The following ASXL2 variants were observed in gnomAD, a reference collection of about 807,000 sequenced individuals.
The protein encoded by ASXL2 is putative Polycomb group protein ASXL2.
ASXL2 carries 23 observed loss-of-function variants against 122.0 expected under a neutral mutation model. The ratio of observed to expected loss-of-function variants is 0.19; its 90% CI spans 0.14 to 0.27. The LOEUF is 0.27. ASXL2 is among the 10% of genes least tolerant of loss of function. The pLI, the probability that ASXL2 is intolerant of heterozygous loss-of-function variation, is 1.00. For missense variants in ASXL2, 1,518 were observed against 1,713.8 expected (o/e 0.89, Z 2.02); for synonymous variants, 650 against 637.0 (o/e 1.02, Z -0.31).
At chr2:25,773,464 G>GA (rs1559507072) in intron 5 of ASXL2, among the ~76,000 whole-genome samples, 1 of 151,926 alleles carries the variant, frequency 6.6e-6, no homozygotes, top group Non-Finnish European at 1.5e-5. Flanking sequence ...AGGAGATTGA[G>GA]ACCATCCTGG....
rs138807921 is a variant in ASXL2 at position 25,840,957 on chromosome 2, G to A, written c.140+4524C>T. On this transcript the variant is annotated intron_variant, in intron 2 of 12. Transcript: ENST00000435504. ...GTAAGTAGTCACACACCTTTAAGAAGCATAGTACGTGTTTCATTCTGTAAT... is the reference window on the plus strand; with the variant it reads ...GTAAGTAGTCACACACCTTTAAGAAACATAGTACGTGTTTCATTCTGTAAT... Among the ~76,000 whole-genome samples, 63 of 152,292 alleles carry A rather than the reference G, an allele frequency of 4.1e-4. 1 individual carries two copies. Among genetic ancestry groups the A allele is most frequent in the African/African-American group, 1.5e-3 (61 of 41,578 alleles).
chr2:25,747,414 C>CT (rs764305743), intron 12 of ASXL2, among the ~76,000 whole-genome samples: 53 of 152,080 alleles, frequency 3.5e-4, no homozygotes, highest in Middle Eastern at 6.8e-3. Context: ...TAAACTTTGT[C>CT]TAAGAAAGCA....
intron 12 of ASXL2, among the ~76,000 whole-genome samples, chr2:25,746,614 T>C (rs991611127): frequency 6.6e-6 from 1 of 152,088 alleles, no homozygotes; most frequent in Non-Finnish European, 1.5e-5. Context: ...AGAGTAACTC[T>C]ATACCTAACA....
intron 5 of ASXL2, among the ~76,000 whole-genome samples, chr2:25,790,327 T>TG (rs374567068): frequency 0.15 from 1,676 of 10,926 alleles, 36 homozygotes; most frequent in Non-Finnish European, 0.18. Flanking sequence ...GGGGTGGGGG[T>TG]GGGGGGGGTG....
intron 5 of ASXL2, among the ~76,000 whole-genome samples, chr2:25,783,110 C>T (rs1285465940): frequency 6.6e-6 from 1 of 151,954 alleles, no homozygotes; most frequent in African/African-American, 2.4e-5. Context: ...GCCTGGGGGA[C>T]AGAATGAGAC....
At chr2:25,809,961 C>A in intron 3 of ASXL2, 1 of 526,096 alleles carries the variant, frequency 1.9e-6, no homozygotes, top group Admixed American at 1.9e-5. Context: ...TCTGGTCCAG[C>A]ATCCTTTGTA....
chr2:25,863,902 A>C (rs1440074783), intron 1 of ASXL2, among the ~76,000 whole-genome samples: 1 of 151,448 alleles, frequency 6.6e-6, no homozygotes, highest in Non-Finnish European at 1.5e-5. Context: ...GCTACTCGGA[A>C]GGCTGAGGCA....
chr2:25,843,793 A>G (rs2089615722), intron 2 of ASXL2, among the ~76,000 whole-genome samples: 1 of 145,918 alleles, frequency 6.9e-6, no homozygotes, highest in Admixed American at 6.9e-5. Context: ...AGGCTGGGCA[A>G]CATAATGAGA....
chr2:25,835,259 C>G (rs1429222319), intron 3 of ASXL2, among the ~76,000 whole-genome samples: 1 of 152,112 alleles, frequency 6.6e-6, no homozygotes, highest in African/African-American at 2.4e-5. Flanking sequence ...ACTTGGCATC[C>G]CAACGCTTTT....
In ASXL2 at chr2:25,759,557, G is replaced by A. The variant is rs2149146494; in HGVS notation, c.864C>T (p.Asn288=). ...CAGGAAGGACTGAAAATGTGTGCTT[G>A]TTGATCAGTGCTCGCAGATTTGTAT... The part of the protein sequence containing the change: ...LVNTNLRALI[N]KHTFSVLPGD... Residue 288 remains asparagine (N), a synonymous_variant, in exon 9 of 13, where the codon AAC becomes AAT. Transcript: ENST00000435504. 6.2e-7 allele frequency: 1 copy of A among 1,613,998 alleles called. No individual in the cohort carries two copies. The highest frequency in any genetic ancestry group is 8.5e-7 in the Non-Finnish European group (1 of 1,179,894).
At chr2:25,758,242 GTTTT>G (rs1038974135) in intron 9 of ASXL2, among the ~76,000 whole-genome samples, 1 of 152,110 alleles carries the variant, frequency 6.6e-6, no homozygotes, top group African/African-American at 2.4e-5. Context: ...GAAAGATTTA[GTTTT>G]ATTTCAGTAA....
intron 12 of ASXL2, among the ~76,000 whole-genome samples, chr2:25,745,049 T>C (rs1313895469): frequency 2.0e-5 from 3 of 151,888 alleles, no homozygotes; most frequent in African/African-American, 4.8e-5. Flanking sequence ...GTGTGATCTA[T>C]AGGAGCCCCC....
At chr2:25,855,640 T>C (rs997842596) in intron 1 of ASXL2, among the ~76,000 whole-genome samples, 30 of 152,076 alleles carry the variant, frequency 2.0e-4, no homozygotes, top group African/African-American at 7.2e-4. Context: ...CACTCCAGGC[T>C]GGGCGACAGA....
At chr2:25,857,726 C>T (rs1176873850) in intron 1 of ASXL2, among the ~76,000 whole-genome samples, 1 of 152,212 alleles carries the variant, frequency 6.6e-6, no homozygotes, top group East Asian at 1.9e-4. Flanking sequence ...CAGCATTCCC[C>T]AGTCATCCAG....
chr2:25,816,402 A>G (rs576129834), intron 3 of ASXL2, among the ~76,000 whole-genome samples: 1 of 152,306 alleles, frequency 6.6e-6, no homozygotes, highest in African/African-American at 2.4e-5. Context: ...ACAGTAAGTG[A>G]AATATATTTC....
At chr2:25,841,581 T>C (rs2149191249) in intron 2 of ASXL2, among the ~76,000 whole-genome samples, 1 of 152,160 alleles carries the variant, frequency 6.6e-6, no homozygotes, top group Middle Eastern at 3.4e-3. Flanking sequence ...GCACGGTAGC[T>C]CATGCCTGTA....
At chr2:25,836,597 T>A (rs527794766) in intron 2 of ASXL2, among the ~76,000 whole-genome samples, 1 of 152,292 alleles carries the variant, frequency 6.6e-6, no homozygotes, top group South Asian at 2.1e-4. Context: ...TTAGTACTAA[T>A]CAGATGTCAT....
chr2:25,809,983 T>C, intron 3 of ASXL2: 1 of 530,896 alleles, frequency 1.9e-6, no homozygotes, highest in South Asian at 1.4e-5. Context: ...AGAGTGCCCC[T>C]CTTTGGTACA....
chr2:25,795,343 T>C (rs2088896322), intron 5 of ASXL2, among the ~76,000 whole-genome samples: 1 of 152,224 alleles, frequency 6.6e-6, no homozygotes, highest in South Asian at 2.1e-4. Context: ...TATTACCTTA[T>C]TGTTCATGTC....
Sources: allele counts gnomAD v4.1 joint callset (sites outside exome capture counted in the v4.1 genomes callset), GRCh38; gene constraint gnomAD v4.1.1; transcripts MANE v1.5; gene names NCBI Gene and HGNC (gene_info 2026-07-23, HGNC 2026-07-21).